The following ABCD2 variants were observed in gnomAD, a reference collection of about 807,000 sequenced individuals.
ABCD2 encodes the protein ATP-binding cassette sub-family D member 2.
A neutral mutation model predicts 70.9 loss-of-function variants in ABCD2; 36 were observed. The ratio of observed to expected loss-of-function variants is 0.51; its 90% CI spans 0.39 to 0.67. The LOEUF (loss-of-function observed/expected upper bound fraction) is 0.67, where lower values mean the gene tolerates loss of function less well. Ranked by LOEUF, ABCD2 falls within the 30% of genes least tolerant of loss-of-function variation. The probability of loss-of-function intolerance (pLI) is 0.00; values close to 1 mark genes in which losing one functional copy is unlikely to be tolerated. For missense variants in ABCD2, 729 were observed against 890.2 expected (o/e 0.82, Z 2.30); for synonymous variants, 304 against 306.9 (o/e 0.99, Z 0.10).
chr12:39,614,241 G>A (rs1027618537), intron 2 of ABCD2, among the ~76,000 whole-genome samples: 2 of 152,190 alleles, frequency 1.3e-5, no homozygotes, highest in Admixed American at 6.5e-5. Flanking sequence ...CACAGGGTAA[G>A]AATATGATAA....
intron 2 of ABCD2, among the ~76,000 whole-genome samples, chr12:39,609,386 G>C (rs1178333006): frequency 6.6e-6 from 1 of 152,146 alleles, no homozygotes; most frequent in African/African-American, 2.4e-5. Context: ...CTATCTTTTA[G>C]GGTTCTAAGG....
chr12:39,598,647 G>A lies in ABCD2; in HGVS notation c.1646+1924C>T, dbSNP rs912379723. ...ACTCCTGACCTCAGGCGATTCGCCC[G>A]CCTCAGCCTCCCAAAGTGCTGGGAT... is the stretch of plus-strand genomic sequence containing the variant. On this transcript the variant is annotated intron_variant, in intron 6 of 9. Transcript: ENST00000308666. Among the ~76,000 whole-genome samples the A allele has an allele frequency of 4.6e-5, 7 of 152,050 alleles. No individual in the cohort carries two copies. The East Asian group carries it at 7.7e-4, about 17-fold the overall frequency.
the ABCD2 span, among the ~76,000 whole-genome samples, chr12:39,544,428 C>T: frequency 1.3e-5 from 2 of 152,288 alleles, no homozygotes; most frequent in Admixed American, 6.5e-5. Context: ...CAAAGACAAT[C>T]TAGTCCCCAG....
At chr12:39,585,000 G>A (rs1164906931) in intron 7 of ABCD2, among the ~76,000 whole-genome samples, 2 of 152,116 alleles carry the variant, frequency 1.3e-5, no homozygotes, top group Non-Finnish European at 2.9e-5. Flanking sequence ...TGGCTATTCA[G>A]GCTCTTTCTT....
intron 9 of ABCD2, among the ~76,000 whole-genome samples, chr12:39,569,539 GT>G (rs1272525855): frequency 6.6e-6 from 1 of 152,168 alleles, no homozygotes; most frequent in Non-Finnish European, 1.5e-5. Context: ...CTTACTTTGA[GT>G]AGGAAAGGGA....
intron 9 of ABCD2, among the ~76,000 whole-genome samples, chr12:39,563,631 TC>T (rs1365390624): frequency 2.6e-5 from 4 of 150,964 alleles, no homozygotes; most frequent in African/African-American, 9.7e-5. Context: ...TGTTCTTTTT[TC>T]TTTTTAATTA....
intron 6 of ABCD2, among the ~76,000 whole-genome samples, chr12:39,589,365 T>A (rs2120652570): frequency 6.6e-6 from 1 of 150,614 alleles, no homozygotes; most frequent in East Asian, 1.9e-4. Flanking sequence ...ATTACAAATA[T>A]AAGGAAGCTT....
downstream of ABCD2, among the ~76,000 whole-genome samples, chr12:39,547,945 A>AG (rs1941042347): frequency 1.3e-5 from 2 of 152,056 alleles, no homozygotes; most frequent in African/African-American, 4.8e-5. Flanking sequence ...AGGTTGTAAA[A>AG]TATATGTATA....
At position 39,550,576 on chromosome 12, in the gene ABCD2, G is replaced by T. The variant is rs532243143; in HGVS notation, c.*3336C>A. 9.9e-5 allele frequency: 15 copies of T among 151,756 alleles called. No homozygotes were observed. The highest frequency in any genetic ancestry group is 1.8e-4 in the Non-Finnish European group (12 of 67,654). 9.4% of individuals were successfully genotyped at this position (151,756 alleles called of 1,614,324 possible). A position where few individuals can be genotyped will look rare whatever the true frequency, so the allele number is the denominator to read the frequency against. On this transcript the variant is annotated 3_prime_UTR_variant, in exon 10 of 10. Transcript: ENST00000308666. ...AGCATCAACAATGAAGAAGAAATTG[G>T]TTTTTAAAAAAATATTTTATACATC...
At position 39,613,041 on chromosome 12, in the gene ABCD2, C is replaced by T. The variant is rs924828357; in HGVS notation, c.1120+3947G>A. Reference sequence around the variant, plus strand: ...CATAGCTTTCACTGGCCTCCTTGCCCAGAACAGCTTTTGATATCAAGAGAA... The same window carrying T: ...CATAGCTTTCACTGGCCTCCTTGCCTAGAACAGCTTTTGATATCAAGAGAA... On this transcript the variant is annotated intron_variant, in intron 2 of 9. Transcript: ENST00000308666. Among the ~76,000 whole-genome samples the T allele has an allele frequency of 3.3e-5, 5 of 152,228 alleles. No individual in the cohort carries two copies. The East Asian group carries it at 9.7e-4, about 29-fold the overall frequency.
At chr12:39,543,919 C>T in the ABCD2 span, among the ~76,000 whole-genome samples, 4 of 152,174 alleles carry the variant, frequency 2.6e-5, no homozygotes, top group African/African-American at 7.2e-5. Context: ...GACTACCTCT[C>T]CCACAAAATT....
chr12:39,563,444 G>A (rs986121056), intron 9 of ABCD2, among the ~76,000 whole-genome samples: 3 of 152,020 alleles, frequency 2.0e-5, no homozygotes, highest in African/African-American at 7.3e-5. Context: ...ACGGAACAAG[G>A]TAAGAATAAG....
rs879244724 is a variant in ABCD2 at position 39,619,117 on chromosome 12, G to A, written c.499C>T (p.Leu167=). Residue 167 remains leucine, a synonymous_variant, in exon 1 of 10, where the codon CTG becomes TTG. Transcript: ENST00000308666. The part of the protein sequence containing the change: ...ATFVNSAIRY[L]ECKLALAFRT... ...AAGGCCAAAGCCAATTTGCATTCCAGGTACCTTATTGCACTGTTGACGAAG... is the reference window on the plus strand; with the variant it reads ...AAGGCCAAAGCCAATTTGCATTCCAAGTACCTTATTGCACTGTTGACGAAG... 6.2e-7 allele frequency: 1 copy of A among 1,614,190 alleles called. No individual in the cohort carries two copies. The highest frequency in any genetic ancestry group is 8.5e-7 in the Non-Finnish European group (1 of 1,180,030).
At chr12:39,594,251 T>C (rs1941784454) in intron 6 of ABCD2, among the ~76,000 whole-genome samples, 1 of 152,196 alleles carries the variant, frequency 6.6e-6, no homozygotes, top group Non-Finnish European at 1.5e-5. Context: ...AGCTCCAGCA[T>C]TTATCCACTG....
intron 6 of ABCD2, among the ~76,000 whole-genome samples, chr12:39,588,656 T>C (rs377042615): frequency 7.9e-5 from 12 of 152,266 alleles, no homozygotes; most frequent in Admixed American, 2.0e-4. Context: ...TGGTAATTTG[T>C]AGCCCTTAGA....
At chr12:39,592,727 T>C (rs1029239668) in intron 6 of ABCD2, among the ~76,000 whole-genome samples, 21 of 152,196 alleles carry the variant, frequency 1.4e-4, no homozygotes, top group African/African-American at 4.8e-4. Context: ...TTCCAGTGGC[T>C]TTTATAGACC....
At chr12:39,558,107 C>G (rs570343696) in intron 9 of ABCD2, among the ~76,000 whole-genome samples, 1 of 152,346 alleles carries the variant, frequency 6.6e-6, no homozygotes, top group East Asian at 1.9e-4. Context: ...CAGGGGTGAG[C>G]AGCCCAAGGC....
chr12:39,619,529 C>A lies in ABCD2; in HGVS notation c.87G>T (p.Ala29=), dbSNP rs1003981315. 13 of 1,611,716 alleles carry A rather than the reference C, an allele frequency of 8.1e-6. No individual in the cohort carries two copies. The highest frequency in any genetic ancestry group is 1.3e-5 in the African/African-American group (1 of 74,844). The change falls in exon 1 of 10, where the codon GCG becomes GCT. Residue 29 remains alanine, a synonymous_variant. Transcript: ENST00000308666. Reference sequence around the variant, plus strand: ...GATAGAGGGTTTTCAGAGCATATGCCGCAGCCACCAGGCAGGCAGCCCTCT... The same window carrying A: ...GATAGAGGGTTTTCAGAGCATATGCAGCAGCCACCAGGCAGGCAGCCCTCT... ...AAKRAACLVA[A]AYALKTLYPI...
At chr12:39,573,892 GT>G (rs759567666) in intron 8 of ABCD2, 51 bp from the exon 9 acceptor site, 62 of 1,547,500 alleles carry the variant, frequency 4.0e-5, no homozygotes, top group Non-Finnish European at 5.4e-5. Context: ...TGAACTATAA[GT>G]TTTTCTTTGG....
Sources: gnomAD v4.1 joint callset for allele counts (sites outside exome capture counted in the v4.1 genomes callset) on GRCh38, gnomAD v4.1.1 for gene constraint, MANE v1.5 for transcripts, NCBI Gene and HGNC (gene_info 2026-07-23, HGNC 2026-07-21) for gene names.